Variants in MAD1L1 observed in about 807,000 individuals in gnomAD.
MAD1L1 encodes the protein mitotic arrest deficient 1 like 1.
Under a neutral mutation model 96.9 loss-of-function variants are expected in MAD1L1, and 95 were observed. That is an observed-to-expected ratio of 0.98 (90% CI 0.83 to 1.16). MAD1L1 has a LOEUF of 1.16. Ranked by LOEUF, MAD1L1 falls within the 50% of genes most tolerant of loss-of-function variation. The pLI is 0.00. For missense variants in MAD1L1, 1,007 were observed against 954.4 expected, an observed-to-expected ratio of 1.06 and a Z score of -0.73; for synonymous variants, 473 against 396.6, an observed-to-expected ratio of 1.19 and a Z score of -2.29.
chr7:2,041,117 G>A (rs933341905), intron 12 of MAD1L1, among the ~76,000 whole-genome samples: 2 of 152,156 alleles, frequency 1.3e-5, no homozygotes, highest in African/African-American at 2.4e-5. Context: ...CAGAGTTCCT[G>A]TCGGAAAAAG....
chr7:2,050,212 C>A (rs112507937), intron 12 of MAD1L1, among the ~76,000 whole-genome samples: 1 of 151,708 alleles, frequency 6.6e-6, no homozygotes, highest in Non-Finnish European at 1.5e-5. Context: ...CACACGTTCA[C>A]GGGGCACCTC....
At chr7:2,225,852 C>A (rs1793866815) in intron 3 of MAD1L1, among the ~76,000 whole-genome samples, 1 of 152,236 alleles carries the variant, frequency 6.6e-6, no homozygotes, top group Non-Finnish European at 1.5e-5. Flanking sequence ...GGTCGGAAGT[C>A]CAGACGTAGG....
intron 11 of MAD1L1, among the ~76,000 whole-genome samples, chr7:2,078,746 G>A (rs1218772807): frequency 6.6e-6 from 1 of 152,192 alleles, no homozygotes; most frequent in East Asian, 1.9e-4. Flanking sequence ...CCACATCCCT[G>A]AGGAGGAAGG....
intron 18 of MAD1L1, among the ~76,000 whole-genome samples, chr7:1,880,453 G>A (rs73288723): frequency 0.014 from 2,142 of 152,270 alleles, 54 homozygotes; most frequent in African/African-American, 0.049. Context: ...AGGAAGGGAG[G>A]CCACTCGACA....
chr7:2,189,234 T>C (rs1418937129), intron 10 of MAD1L1, among the ~76,000 whole-genome samples: 5 of 152,182 alleles, frequency 3.3e-5, no homozygotes, highest in South Asian at 2.1e-4. Flanking sequence ...GAACGTAAAA[T>C]GGTACAGCCA....
At chr7:2,015,680 C>T (rs1487925150) in intron 12 of MAD1L1, among the ~76,000 whole-genome samples, 3 of 152,224 alleles carry the variant, frequency 2.0e-5, no homozygotes, top group Non-Finnish European at 4.4e-5. Context: ...AGATTCCAGG[C>T]GCAGGCTGGC....
chr7:1,819,608 G>A (rs1164274782), intron 18 of MAD1L1, among the ~76,000 whole-genome samples: 4 of 152,174 alleles, frequency 2.6e-5, no homozygotes, highest in South Asian at 2.1e-4. Context: ...GTGCTCACTC[G>A]GTGCCTAGGG....
At chr7:1,957,957 C>A (rs531558452) in intron 15 of MAD1L1, among the ~76,000 whole-genome samples, 1 of 152,182 alleles carries the variant, frequency 6.6e-6, no homozygotes, top group Non-Finnish European at 1.5e-5. Flanking sequence ...GGAGCCTGTG[C>A]GGAGAAAGTC....
At position 2,219,419 on chromosome 7, in the gene MAD1L1, T is replaced by C. The variant is rs764554381; in HGVS notation, c.509A>G (p.Gln170Arg). ...NALKGRISEL[Q>R]WSVMDQEMRV... ...CATCTCCTGGTCCATCACGCTCCACTGCAGTTCCGAGATCCTCCCCTTCAG... is the reference window on the plus strand; with the variant it reads ...CATCTCCTGGTCCATCACGCTCCACCGCAGTTCCGAGATCCTCCCCTTCAG... Residue 170 changes from glutamine (Q) to arginine (R), a missense_variant, in exon 6 of 19, where the codon CAG (glutamine) becomes CGG (arginine). Transcript: ENST00000265854. The C allele has an allele frequency of 1.5e-5, 24 of 1,613,192 alleles. No individual in the cohort carries two copies. In the South Asian group the frequency reaches 2.4e-4, roughly 16 times the overall value.
At chr7:1,910,427 C>T (rs957781467) in intron 17 of MAD1L1, among the ~76,000 whole-genome samples, 2 of 152,264 alleles carry the variant, frequency 1.3e-5, no homozygotes, top group Non-Finnish European at 2.9e-5. Context: ...CCGTCCGACG[C>T]GTCAGCACAG....
chr7:1,965,034 C>A (rs1780105341), intron 15 of MAD1L1, among the ~76,000 whole-genome samples: 2 of 152,238 alleles, frequency 1.3e-5, no homozygotes, highest in African/African-American at 4.8e-5. Flanking sequence ...GACCACCACA[C>A]TTCACATTTT....
intron 12 of MAD1L1, among the ~76,000 whole-genome samples, chr7:2,016,211 C>G (rs1172013631): frequency 6.6e-6 from 1 of 152,210 alleles, no homozygotes; most frequent in Admixed American, 6.5e-5. Flanking sequence ...GGCCCACACC[C>G]CTTCCCAACA....
At position 1,858,090 on chromosome 7, in the gene MAD1L1, T is replaced by A. The variant is rs536926206; in HGVS notation, c.1998+40110A>T. 2.4e-4 allele frequency among the ~76,000 whole-genome samples: 37 copies of A among 152,376 alleles called. No homozygotes were observed. In the East Asian group the frequency reaches 2.5e-3, roughly 10 times the overall value. On this transcript the variant is annotated intron_variant, in intron 18 of 18. Transcript: ENST00000265854. ...ACGTTTCCATGTGACTGCTTTTTTT[T>A]AATTGGTAGGTCTAACATTTAAAAG... is the stretch of plus-strand genomic sequence containing the variant.
chr7:2,097,296 G>A (rs1032415547), intron 11 of MAD1L1, among the ~76,000 whole-genome samples: 1 of 152,136 alleles, frequency 6.6e-6, no homozygotes, highest in African/African-American at 2.4e-5. Flanking sequence ...GGACACACAA[G>A]AGGAGATGAC....
Position 2,088,054 on chromosome 7 carries a change from GAGA to G in MAD1L1, c.1074-18719_1074-18717del, listed in dbSNP as rs542580389. ...GAGGCTTGAGGCTCTAGGAGAGTTA[GAGA>G]AGAAGAAGACTGGGACTCGGACCAC... On this transcript the variant is annotated intron_variant, in intron 11 of 18. Coordinates refer to ENST00000265854, the MANE Select transcript of MAD1L1 (RefSeq NM_001013836.2). This position sits in a 1 kb window ranked among gnomAD's most constrained non-coding sequence, Gnocchi z 4.4. 4.4e-3 allele frequency among the ~76,000 whole-genome samples: 667 copies of G among 152,304 alleles called. 2 individuals carry two copies. Among genetic ancestry groups the G allele is most frequent in the Middle Eastern group, 0.02 (6 of 294 alleles).
intron 10 of MAD1L1, among the ~76,000 whole-genome samples, chr7:2,202,556 C>T (rs1050718760): frequency 2.0e-5 from 3 of 152,196 alleles, no homozygotes; most frequent in South Asian, 2.1e-4. Flanking sequence ...ACGAGGCATC[C>T]GGCATGCAGG....
chr7:2,203,114 C>T (rs190319883), intron 10 of MAD1L1, among the ~76,000 whole-genome samples: 59 of 152,268 alleles, frequency 3.9e-4, no homozygotes, highest in African/African-American at 1.4e-3. Context: ...GCCCACCCGC[C>T]GGGATGGGAA....
chr7:2,041,640 G>A (rs184737397), intron 12 of MAD1L1, among the ~76,000 whole-genome samples: 2 of 152,340 alleles, frequency 1.3e-5, no homozygotes, highest in East Asian at 3.9e-4. Flanking sequence ...ACATCCAGCT[G>A]CATATACCTT....
At chr7:1,829,785 T>A (rs1782616180) in intron 18 of MAD1L1, 1 of 149,178 alleles carries the variant, frequency 6.7e-6, no homozygotes, top group South Asian at 2.1e-4. Flanking sequence ...ATAATCAAAC[T>A]GCTCAAAACC....
Sources: gnomAD v4.1 joint callset for allele counts (sites outside exome capture counted in the v4.1 genomes callset) on GRCh38, gnomAD v4.1.1 for gene constraint, Gnocchi (gnomAD v3.1) non-coding constraint, MANE v1.5 for transcripts, NCBI Gene and HGNC (gene_info 2026-07-23, HGNC 2026-07-21) for gene names.